NHSL3: variants seen among roughly 807,000 people sequenced by gnomAD.
NHSL3 encodes the protein NHS like 3.
chr1:32,770,081 G>T, the NHSL3 span: 1 of 1,559,268 alleles, frequency 6.4e-7, no homozygotes, highest in Non-Finnish European at 8.7e-7. The surrounding 1 kb of genome is among the most constrained non-coding windows in gnomAD (Gnocchi z 8.3). Flanking sequence ...CGTGTCTACC[G>T]GGATGACACC....
At chr1:32,771,130 T>C in the NHSL3 span, 7 of 1,613,100 alleles carry the variant, frequency 4.3e-6, no homozygotes, top group Non-Finnish European at 5.9e-6. Context: ...GCCACAGATA[T>C]TGACCCCCCT....
chr1:32,770,782 C>T, the NHSL3 span: 4 of 1,583,816 alleles, frequency 2.5e-6, no homozygotes, highest in Admixed American at 3.4e-5. This position sits in a 1 kb window ranked among gnomAD's most constrained non-coding sequence, Gnocchi z 8.3. Flanking sequence ...CCAGCTGCCT[C>T]GGCCACCCAC....
the NHSL3 span, among the ~76,000 whole-genome samples, chr1:32,758,918 A>C: frequency 6.6e-6 from 1 of 152,156 alleles, no homozygotes; most frequent in Non-Finnish European, 1.5e-5. Context: ...TAGGGCTGCC[A>C]CATGGAGGGG....
At chr1:32,766,753 T>C in the NHSL3 span, among the ~76,000 whole-genome samples, 3 of 152,088 alleles carry the variant, frequency 2.0e-5, no homozygotes, top group South Asian at 6.2e-4. Flanking sequence ...CTTTTGCTTA[T>C]GTTGTGGGTT....
chr1:32,756,177 A>G, the NHSL3 span, among the ~76,000 whole-genome samples: 1 of 152,200 alleles, frequency 6.6e-6, no homozygotes, highest in African/African-American at 2.4e-5. Flanking sequence ...GGGCTAGGAA[A>G]TATTCTAGGC....
At chr1:32,770,625 G>A in the NHSL3 span, 6 of 1,516,660 alleles carry the variant, frequency 4.0e-6, no homozygotes, top group African/African-American at 8.4e-5. The surrounding 1 kb of genome is among the most constrained non-coding windows in gnomAD (Gnocchi z 8.3). Context: ...GGAGCAGTGG[G>A]CAGTTGTCTG....
chr1:32,742,283 G>C, the NHSL3 span: 8 of 1,158,968 alleles, frequency 6.9e-6, no homozygotes, highest in African/African-American at 1.1e-4. Flanking sequence ...GTGTTGGAGG[G>C]GGGTGACCCC....
At chr1:32,757,587 G>A in the NHSL3 span, among the ~76,000 whole-genome samples, 2 of 152,234 alleles carry the variant, frequency 1.3e-5, no homozygotes, top group African/African-American at 4.8e-5. Context: ...GAGGCTGCTT[G>A]GCTGGGAGAT....
At chr1:32,743,441 T>C in the NHSL3 span, among the ~76,000 whole-genome samples, 1 of 152,182 alleles carries the variant, frequency 6.6e-6, no homozygotes, top group Non-Finnish European at 1.5e-5. Flanking sequence ...CTGGGGTGAC[T>C]GGGCCAAACC....
At chr1:32,770,445 CG>C in the NHSL3 span, 1 of 1,607,074 alleles carries the variant, frequency 6.2e-7, no homozygotes. This position sits in a 1 kb window ranked among gnomAD's most constrained non-coding sequence, Gnocchi z 8.3. Flanking sequence ...CTCAATCCTC[CG>C]ACACCATTGT....
chr1:32,742,224 G>A, the NHSL3 span: 2 of 1,240,894 alleles, frequency 1.6e-6, no homozygotes, highest in Non-Finnish European at 2.0e-6. Context: ...AGCGCGGGGG[G>A]GCGTCGAGGG....
chr1:32,770,085 T>C, the NHSL3 span: 1 of 1,558,436 alleles, frequency 6.4e-7, no homozygotes, highest in Non-Finnish European at 8.7e-7. The surrounding 1 kb of genome is among the most constrained non-coding windows in gnomAD (Gnocchi z 8.3). Context: ...TCTACCGGGA[T>C]GACACCTTTG....
At chr1:32,759,671 G>A in the NHSL3 span, among the ~76,000 whole-genome samples, 9 of 152,306 alleles carry the variant, frequency 5.9e-5, no homozygotes, top group South Asian at 1.2e-3. Context: ...GAGGGATTCC[G>A]GCACAGGTGG....
chr1:32,761,810 G>GT, the NHSL3 span, among the ~76,000 whole-genome samples: 1 of 152,126 alleles, frequency 6.6e-6, no homozygotes, highest in African/African-American at 2.4e-5. Context: ...GATAAGAAGA[G>GT]TGGGTGGGTG....
At chr1:32,752,948 CACATATATATAT>C in the NHSL3 span, among the ~76,000 whole-genome samples, 2,422 of 31,962 alleles carry the variant, frequency 0.076, 41 homozygotes, top group African/African-American at 0.094. Flanking sequence ...CACACACACA[CACATATATATAT>C]ATATATATTT....
the NHSL3 span, among the ~76,000 whole-genome samples, chr1:32,756,987 G>A: frequency 1.3e-5 from 2 of 152,158 alleles, no homozygotes. Flanking sequence ...AAAAACAAAT[G>A]GAGTTGAGAC....
the NHSL3 span, chr1:32,770,776 C>A: frequency 1.3e-6 from 2 of 1,581,314 alleles, no homozygotes; most frequent in Non-Finnish European, 1.7e-6. The surrounding 1 kb of genome is among the most constrained non-coding windows in gnomAD (Gnocchi z 8.3). Flanking sequence ...GCAGCCCCAG[C>A]TGCCTCGGCC....
the NHSL3 span, among the ~76,000 whole-genome samples, chr1:32,752,973 G>T: frequency 1.0e-3 from 96 of 92,794 alleles, 3 homozygotes; most frequent in South Asian, 7.8e-4. Flanking sequence ...ATATATTTTG[G>T]TTTTTTTTTT....
At chr1:32,760,430 C>T in the NHSL3 span, among the ~76,000 whole-genome samples, 1 of 152,198 alleles carries the variant, frequency 6.6e-6, no homozygotes, top group South Asian at 2.1e-4. Flanking sequence ...TCTTCCCTTT[C>T]CCCAGGCTTA....
Sources: allele counts gnomAD v4.1 joint callset (sites outside exome capture counted in the v4.1 genomes callset), GRCh38; gene constraint gnomAD v4.1.1; non-coding constraint Gnocchi (gnomAD v3.1); transcripts MANE v1.5; gene names NCBI Gene and HGNC (gene_info 2026-07-23, HGNC 2026-07-21).